ULK3: variants seen among roughly 807,000 people sequenced by gnomAD.
ULK3 encodes the protein unc-51 like kinase 3.
Under a neutral mutation model 69.4 loss-of-function variants are expected in ULK3, and 54 were observed. That is an observed-to-expected ratio of 0.78 (90% CI 0.63 to 0.98). The LOEUF is 0.98. Ranked by LOEUF, ULK3 falls within the 50% of genes least tolerant of loss-of-function variation. The pLI is 0.00. For synonymous variants in ULK3, 240 were observed against 254.5 expected (o/e 0.94, Z 0.54); for missense variants, 558 against 627.7 (o/e 0.89, Z 1.19).
At position 74,838,712 on chromosome 15, in the gene ULK3, T is replaced by G. The variant is rs2064124858; in HGVS notation, c.1033A>C (p.Lys345Gln). ...GQYVSRAEEL[K>Q]AIVSSSNQAL... ...TGATTGGAAGAGGAGACGATGGCCT[T>G]GAGCTCCTCAGCCCGGGACACGTAC... The change falls in exon 10 of 16, where the codon AAG becomes CAG. Residue 345 changes from lysine (K) to glutamine (Q), a missense_variant. Physicochemically the swap from Lys to Gln is moderately conservative, Grantham distance 53. Transcript: ENST00000440863. 1 of 1,612,066 alleles carries G rather than the reference T, an allele frequency of 6.2e-7. No homozygotes were observed. Among genetic ancestry groups the G allele is most frequent in the Non-Finnish European group, 8.5e-7 (1 of 1,179,034 alleles).
intron 7 of ULK3, 70 bp from the exon 8 acceptor site, chr15:74,839,443 G>C: frequency 1.9e-6 from 3 of 1,541,894 alleles, no homozygotes; most frequent in Non-Finnish European, 2.6e-6. Flanking sequence ...TGGGAGATCA[G>C]CTCCCCTGAG....
In ULK3 at chr15:74,842,171, T is replaced by A; in HGVS notation, c.268A>T (p.Ile90Phe). Residue 90 changes from isoleucine (I) to phenylalanine (F), a missense_variant, in exon 3 of 16, where the codon ATC becomes TTC. Coordinates refer to ENST00000440863, the MANE Select transcript of ULK3 (RefSeq NM_001099436.4). This position sits in a 1 kb window ranked among gnomAD's most constrained non-coding sequence, Gnocchi z 4.9. ...FQWDSDNIYL[I>F]MEFCAGGDLS... Reference sequence around the variant, plus strand: ...TCGCCCCCTGCGCAAAACTCCATGATGAGGTAGATATTGTCACTGTCCCAC... The same window carrying A: ...TCGCCCCCTGCGCAAAACTCCATGAAGAGGTAGATATTGTCACTGTCCCAC... The A allele has an allele frequency of 6.2e-7, 1 of 1,612,932 alleles. No individual in the cohort carries two copies. Among genetic ancestry groups the A allele is most frequent in the Non-Finnish European group, 8.5e-7 (1 of 1,179,102 alleles).
rs1033806884 is a variant in ULK3 at position 74,839,831 on chromosome 15, C to A, written c.697-118G>T. ...GTTGGACAGGTGGGGAATCTGAGAC[C>A]GAGGAGGAACAGGATGGGTCAGGAT... On this transcript the variant is annotated intron_variant, in intron 6 of 15. Transcript: ENST00000440863. 3.0e-6 allele frequency: 4 copies of A among 1,339,918 alleles called. No individual in the cohort carries two copies. The African/African-American group carries it at 4.4e-5, about 15-fold the overall frequency. The allele number at this position is 1,339,918 out of a possible 1,614,324, so 83.0% of individuals were successfully genotyped here.
chr15:74,842,428 A>G lies in ULK3; in HGVS notation c.103-8T>C. The G allele has an allele frequency of 6.2e-7, 1 of 1,613,818 alleles. No individual in the cohort carries two copies. Among genetic ancestry groups the G allele is most frequent in the Non-Finnish European group, 8.5e-7 (1 of 1,179,886 alleles). On this transcript the variant is annotated splice_region_variant and splice_polypyrimidine_tract_variant and intron_variant, in intron 1 of 15. Transcript: ENST00000440863. The surrounding 1 kb of genome is among the most constrained non-coding windows in gnomAD (Gnocchi z 4.9). The stretch of plus-strand genomic sequence containing the variant: ...CACTTCACGAGTGTCCTTCTGCGAG[A>G]CAGGAGATTTGGGGACTCTGCCTTG...
rs1415700996 is a variant in ULK3, at chr15:74,843,033, A to G, written c.73T>C (p.Tyr25His). 2 of 1,531,522 alleles carry G rather than the reference A, an allele frequency of 1.3e-6. No individual in the cohort carries two copies. Among genetic ancestry groups the G allele is most frequent in the Non-Finnish European group, 1.8e-6 (2 of 1,137,648 alleles). The allele number at this position is 1,531,522 out of a possible 1,614,324, so 94.9% of individuals were successfully genotyped here. A position where few individuals can be genotyped will look rare whatever the true frequency, so the allele number is the denominator to read the frequency against. Residue 25 changes from tyrosine (Y) to histidine (H), a missense_variant, in exon 1 of 16, where the codon TAC becomes CAC. Transcript: ENST00000440863. ...GCGTAGGCCTTGTACACCGTGGCGT[A>G]CGTGCCGCTGCCCAGGCGCTCGGTG... is the stretch of plus-strand genomic sequence containing the variant. ...ILTERLGSGT[Y>H]ATVYKAYAKK...
intron 3 of ULK3, 77 bp from the exon 4 acceptor site, chr15:74,841,586 G>A: frequency 1.7e-6 from 2 of 1,187,324 alleles, no homozygotes; most frequent in Middle Eastern, 2.0e-4. Context: ...GCTCACATCT[G>A]CCTCCTCAAG....
intron 9 of ULK3, 94 bp downstream of exon 9, chr15:74,838,916 G>A: frequency 1.3e-6 from 2 of 1,504,138 alleles, no homozygotes; most frequent in Non-Finnish European, 1.8e-6. Context: ...AGGAGAGGAA[G>A]TTCCAATTCT....
intron 4 of ULK3, 135 bp from the exon 5 acceptor site, chr15:74,840,776 A>C: frequency 8.2e-7 from 1 of 1,225,434 alleles, no homozygotes; most frequent in Admixed American, 3.0e-5. Context: ...TCTGCTCATC[A>C]TTAGGCTGGA....
chr15:74,837,886 TC>T, intron 13 of ULK3, 88 bp from the exon 14 acceptor site: 1 of 1,350,710 alleles, frequency 7.4e-7, no homozygotes, highest in Non-Finnish European at 1.0e-6. Context: ...CCTGATGCTC[TC>T]CAGAACCCTC....
intron 3 of ULK3, 88 bp from the exon 4 acceptor site, chr15:74,841,597 C>A: frequency 9.6e-7 from 1 of 1,042,378 alleles, no homozygotes; most frequent in Non-Finnish European, 1.5e-6. Context: ...CCTCCTCAAG[C>A]CTGCACAACC....
chr15:74,837,999 CCTGT>C, intron 13 of ULK3, 149 bp downstream of exon 13: 6 of 1,320,134 alleles, frequency 4.5e-6, no homozygotes, highest in Non-Finnish European at 6.2e-6. Context: ...CCCCCACTGC[CCTGT>C]CTGAGCACCC....
intron 9 of ULK3, 21 bp from the exon 10 acceptor site, chr15:74,838,766 G>A (rs1353010590): frequency 2.5e-6 from 4 of 1,579,162 alleles, no homozygotes; most frequent in Non-Finnish European, 3.5e-6. Context: ...GAAAGGGCCT[G>A]AGGAGGGGCT....
rs773166781 is a variant in ULK3 at position 74,841,465 on chromosome 15, C to A, written c.409G>T (p.Asp137Tyr). Reference protein sequence around the residue: ...FLHERNISHLDLKPQNILLSS... With the variant: ...FLHERNISHLYLKPQNILLSS... ...AGTAGAATGTTCTGTGGCTTCAGAT[C>A]CAGGTGAGAGATATTCCGTTCATGC... Residue 137 changes from aspartate (D) to tyrosine (Y), a missense_variant, in exon 4 of 16, where the codon GAT becomes TAT. Physicochemically the swap from Asp to Tyr is radical, Grantham distance 160 (BLOSUM62 -3). Coordinates refer to ENST00000440863, the MANE Select transcript of ULK3 (RefSeq NM_001099436.4). 2 of 1,613,896 alleles carry A rather than the reference C, an allele frequency of 1.2e-6. No individual in the cohort carries two copies. Among genetic ancestry groups the A allele is most frequent in the Non-Finnish European group, 8.5e-7 (1 of 1,179,864 alleles).
At position 74,838,444 on chromosome 15, in the gene ULK3, G is replaced by A. The variant is rs1205990154; in HGVS notation, c.1163C>T (p.Ala388Val). 1 of 1,575,384 alleles carries A rather than the reference G, an allele frequency of 6.3e-7. No homozygotes were observed. Among genetic ancestry groups the A allele is most frequent in the Non-Finnish European group, 8.6e-7 (1 of 1,160,480 alleles). The change falls in exon 11 of 16, where the codon GCC (alanine) becomes GTC (valine). Residue 388 changes from alanine (A) to valine (V), a missense_variant. Physicochemically the swap from Ala to Val is moderately conservative, Grantham distance 64. Coordinates refer to ENST00000440863, the MANE Select transcript of ULK3 (RefSeq NM_001099436.4). ...AALEVASAAM[A>V]KEEAAGGEQD... Reference sequence around the variant, plus strand: ...ACCCCTCCCACTGGCACAAACCTTGGCCATGGCAGCTGAAGCCACTTCCAG... The same window carrying A: ...ACCCCTCCCACTGGCACAAACCTTGACCATGGCAGCTGAAGCCACTTCCAG...
chr15:74,840,465 C>T (rs1157718823), intron 5 of ULK3, 33 bp downstream of exon 5: 1 of 1,589,374 alleles, frequency 6.3e-7, no homozygotes, highest in Non-Finnish European at 8.6e-7. Context: ...AACTGTAGGC[C>T]TCAGGGTGAG....
intron 3 of ULK3, 98 bp from the exon 4 acceptor site, chr15:74,841,607 C>A: frequency 2.1e-6 from 2 of 970,636 alleles, no homozygotes; most frequent in East Asian, 2.5e-5. Flanking sequence ...CCTGCACAAC[C>A]CCAGTTCCTG....
In ULK3 at chr15:74,840,273, CGA is replaced by C; in HGVS notation, c.655_656del (p.Ser219GlyfsTer8). On this transcript the variant is annotated frameshift_variant, in exon 6 of 16. Transcript: ENST00000440863. LOFTEE classifies it high-confidence loss of function. Reference protein sequence around the residue: ...GQPPFASRSFSELEEKIRSNR... With the variant: ...GQPPFASRSFXELEEKIRSNR... Reference sequence around the variant, plus strand: ...TGCTACGGATCTTCTCTTCCAGCTCCGAGAACGACCTGGAGGCAAAGGGGGGC... The same window carrying C: ...TGCTACGGATCTTCTCTTCCAGCTCCGAACGACCTGGAGGCAAAGGGGGGC... 6.2e-7 allele frequency: 1 copy of C among 1,611,326 alleles called. No homozygotes were observed. The highest frequency in any genetic ancestry group is 1.1e-5 in the South Asian group (1 of 90,352).
intron 14 of ULK3, 142 bp downstream of exon 14, chr15:74,837,609 A>T: frequency 7.4e-7 from 1 of 1,349,230 alleles, no homozygotes; most frequent in Non-Finnish European, 1.0e-6. Flanking sequence ...CAAGAGAGAG[A>T]GTGAAGGGCA....
Position 74,837,782 on chromosome 15 carries a change from G to A in ULK3, c.1304C>T (p.Ala435Val), listed in dbSNP as rs1301966184. The A allele has an allele frequency of 6.3e-7, 1 of 1,598,440 alleles. No individual in the cohort carries two copies. The highest frequency in any genetic ancestry group is 1.1e-5 in the South Asian group (1 of 88,346). Reference sequence around the variant, plus strand: ...CTGCTCCTTCAAGTATTCAGCTCGGGCCATGAGGTTCTGAACCTGCCAAGG... The same window carrying A: ...CTGCTCCTTCAAGTATTCAGCTCGGACCATGAGGTTCTGAACCTGCCAAGG... Reference protein sequence around the residue: ...LLHTEVQNLMARAEYLKEQVK... With the variant: ...LLHTEVQNLMVRAEYLKEQVK... Residue 435 changes from alanine to valine, a missense_variant, in exon 14 of 16, where the codon GCC (alanine) becomes GTC (valine). Physicochemically the swap from Ala to Val is moderately conservative, Grantham distance 64. Coordinates refer to ENST00000440863, the MANE Select transcript of ULK3 (RefSeq NM_001099436.4).
Sources: gnomAD v4.1 joint callset for allele counts on GRCh38, gnomAD v4.1.1 for gene constraint, Gnocchi (gnomAD v3.1) non-coding constraint, MANE v1.5 for transcripts, NCBI Gene and HGNC (gene_info 2026-07-23, HGNC 2026-07-21) for gene names.